BBS9: variants seen among roughly 807,000 people sequenced by gnomAD.
The protein encoded by BBS9 is Bardet-Biedl syndrome 9.
Under a neutral mutation model 117.7 loss-of-function variants are expected in BBS9, and 89 were observed. The observed-to-expected ratio is 0.76, with a 90% CI of 0.64 to 0.90. BBS9 has a LOEUF of 0.90. BBS9 is among the 40% of genes least tolerant of loss of function. BBS9 has a pLI of 0.00. For synonymous variants in BBS9, 379 were observed against 370.9 expected (o/e 1.02, Z -0.25); for missense variants, 982 against 1,042.2 (o/e 0.94, Z 0.80).
intron 19 of BBS9, among the ~76,000 whole-genome samples, chr7:33,447,757 T>C (rs916900712): frequency 3.3e-5 from 5 of 152,218 alleles, no homozygotes; most frequent in Non-Finnish European, 7.3e-5. Flanking sequence ...TGCTGACTTT[T>C]GATGGCTTTT....
chr7:33,175,235 C>T (rs1797170925), intron 4 of BBS9, among the ~76,000 whole-genome samples: 1 of 151,774 alleles, frequency 6.6e-6, no homozygotes, highest in Non-Finnish European at 1.5e-5. Flanking sequence ...ATCCAGGAGT[C>T]AGAGCAGTGA....
intron 21 of BBS9, among the ~76,000 whole-genome samples, chr7:33,543,888 A>G (rs1464125320): frequency 6.6e-6 from 1 of 151,996 alleles, no homozygotes; most frequent in Non-Finnish European, 1.5e-5. Flanking sequence ...GGCTTTGTTC[A>G]TATTTTCTTA....
intron 19 of BBS9, among the ~76,000 whole-genome samples, chr7:33,472,428 G>C (rs1841172452): frequency 6.6e-6 from 1 of 152,176 alleles, no homozygotes; most frequent in Non-Finnish European, 1.5e-5. Context: ...TGCAATACTT[G>C]AGAAAATATC....
chr7:33,627,731 G>A (rs1199580113), intron 21 of BBS9, among the ~76,000 whole-genome samples: 1 of 152,166 alleles, frequency 6.6e-6, no homozygotes. Flanking sequence ...GCTGTTGTTT[G>A]TTTTAGGCTT....
chr7:33,484,112 T>G (rs992541786), intron 19 of BBS9, among the ~76,000 whole-genome samples: 1 of 152,238 alleles, frequency 6.6e-6, no homozygotes, highest in Non-Finnish European at 1.5e-5. Flanking sequence ...CTTGTTAATA[T>G]TGATTGATCT....
intron 5 of BBS9, among the ~76,000 whole-genome samples, chr7:33,216,179 C>T (rs1236267922): frequency 6.6e-6 from 1 of 152,332 alleles, no homozygotes; most frequent in Middle Eastern, 3.4e-3. Flanking sequence ...TATACAATGT[C>T]ATAATGTACA....
At chr7:33,187,217 G>A (rs147736695) in intron 5 of BBS9, among the ~76,000 whole-genome samples, 1 of 152,334 alleles carries the variant, frequency 6.6e-6, no homozygotes, top group East Asian at 1.9e-4. Context: ...AAGGTCAACA[G>A]CTGCATATAC....
intron 15 of BBS9, 113 bp from the exon 16 acceptor site, chr7:33,357,742 G>A (rs751235867): frequency 1.9e-6 from 2 of 1,070,870 alleles, no homozygotes; most frequent in Non-Finnish European, 2.9e-6. Flanking sequence ...AGCAAAATAG[G>A]CAGGCAACAA....
At chr7:33,373,008 TTTTA>T (rs915336676) in intron 17 of BBS9, among the ~76,000 whole-genome samples, 3 of 152,260 alleles carry the variant, frequency 2.0e-5, no homozygotes, top group East Asian at 1.9e-4. Flanking sequence ...CTACTTTTTC[TTTTA>T]TTTGAGTCTT....
intron 8 of BBS9, 92 bp from the exon 9 acceptor site, chr7:33,273,735 G>A: frequency 8.5e-7 from 1 of 1,170,818 alleles, no homozygotes; most frequent in Non-Finnish European, 1.2e-6. Context: ...CCAGGTGTTA[G>A]AATTAGTTTG....
chr7:33,562,179 G>A (rs1366781080), intron 21 of BBS9, among the ~76,000 whole-genome samples: 1 of 152,178 alleles, frequency 6.6e-6, no homozygotes, highest in Non-Finnish European at 1.5e-5. Context: ...TTCAAAGAAA[G>A]ACTAGTTGAC....
At chr7:33,134,866 G>A (rs1287902301) in intron 1 of BBS9, among the ~76,000 whole-genome samples, 1 of 152,158 alleles carries the variant, frequency 6.6e-6, no homozygotes, top group Non-Finnish European at 1.5e-5. Flanking sequence ...AAAGTGTTGG[G>A]ATTACAGGCG....
chr7:33,533,598 C>T (rs1850916234), intron 20 of BBS9: 1 of 273,102 alleles, frequency 3.7e-6, no homozygotes, highest in Non-Finnish European at 7.1e-6. Context: ...CAGCTTTACC[C>T]ACCAGATCAT....
chr7:33,337,947 T>A (rs1429057371), intron 10 of BBS9, among the ~76,000 whole-genome samples: 1 of 152,116 alleles, frequency 6.6e-6, no homozygotes, highest in African/African-American at 2.4e-5. Flanking sequence ...TTAACATTAA[T>A]TGAATATGAA....
At chr7:33,399,760 A>C (rs1178827441) in intron 19 of BBS9, among the ~76,000 whole-genome samples, 1 of 152,188 alleles carries the variant, frequency 6.6e-6, no homozygotes, top group Non-Finnish European at 1.5e-5. Flanking sequence ...TGTAATGACA[A>C]TGATGTAAGT....
intron 5 of BBS9, among the ~76,000 whole-genome samples, chr7:33,228,271 A>C (rs1791678482): frequency 6.6e-6 from 1 of 152,086 alleles, no homozygotes; most frequent in African/African-American, 2.4e-5. Flanking sequence ...CTGTTTGTAT[A>C]TCCTTTTTTG....
intron 5 of BBS9, among the ~76,000 whole-genome samples, chr7:33,182,297 A>C (rs1324937953): frequency 6.6e-6 from 1 of 152,210 alleles, no homozygotes; most frequent in Non-Finnish European, 1.5e-5. Context: ...CTTTTGGTGA[A>C]AAATCTGGTA....
intron 21 of BBS9, among the ~76,000 whole-genome samples, chr7:33,544,483 G>A (rs1201160568): frequency 1.3e-5 from 2 of 152,186 alleles, no homozygotes; most frequent in East Asian, 3.9e-4. Context: ...TAGCCACCCA[G>A]CTAGTCTACC....
chr7:33,630,504 C>T (rs1278940893), intron 21 of BBS9, among the ~76,000 whole-genome samples: 1 of 152,146 alleles, frequency 6.6e-6, no homozygotes. Context: ...CCTACCCCTG[C>T]GTCCGTTAAG....
Sources: allele counts gnomAD v4.1 joint callset (sites outside exome capture counted in the v4.1 genomes callset), GRCh38; gene constraint gnomAD v4.1.1; transcripts MANE v1.5; gene names NCBI Gene and HGNC (gene_info 2026-07-23, HGNC 2026-07-21).